NR2E1: variants seen among roughly 807,000 people sequenced by gnomAD.
The protein encoded by NR2E1 is nuclear receptor TLX.
NR2E1 carries 5 observed loss-of-function variants against 43.6 expected under a neutral mutation model. That is an observed-to-expected ratio of 0.11 (90% confidence interval 0.06 to 0.24). The LOEUF (loss-of-function observed/expected upper bound fraction) is 0.24, where lower values mean the gene tolerates loss of function less well. Ranked by LOEUF, NR2E1 falls within the 10% of genes least tolerant of loss-of-function variation. The pLI is 1.00. For synonymous variants in NR2E1, 191 were observed against 195.5 expected, an observed-to-expected ratio of 0.98 and a Z score of 0.19; for missense variants, 287 against 496.7, an observed-to-expected ratio of 0.58 and a Z score of 4.01.
At chr6:108,170,189 T>A (rs906972940) in intron 1 of NR2E1, among the ~76,000 whole-genome samples, 1 of 152,110 alleles carries the variant, frequency 6.6e-6, no homozygotes, top group African/African-American at 2.4e-5. Context: ...ACCCAAGCGC[T>A]TTCGGCAGCA....
chr6:108,166,367 A>C lies in NR2E1; in HGVS notation c.-399A>C. On this transcript the variant is annotated 5_prime_UTR_variant, in exon 1 of 9. It removes an upstream start codon present in the reference 5' UTR. Transcript: ENST00000368986. The surrounding 1 kb of genome is among the most constrained non-coding windows in gnomAD (Gnocchi z 7.2). Reference sequence around the variant, plus strand: ...AGAGATCGAAGACTGAGTGACAGGAATGGGGAAAAAGAGGGATTTCGCTCC... The same window carrying C: ...AGAGATCGAAGACTGAGTGACAGGACTGGGGAAAAAGAGGGATTTCGCTCC... The C allele has an allele frequency of 4.9e-6, 1 of 202,822 alleles. No individual in the cohort carries two copies. The highest frequency in any genetic ancestry group is 9.7e-6 in the Non-Finnish European group (1 of 103,450). The allele number at this position is 202,822 out of a possible 1,614,324, so 12.6% of individuals were successfully genotyped here. A position where few individuals can be genotyped will look rare whatever the true frequency, so the allele number is the denominator to read the frequency against.
chr6:108,172,887 A>G (rs1773835757), intron 2 of NR2E1, among the ~76,000 whole-genome samples: 1 of 152,244 alleles, frequency 6.6e-6, no homozygotes, highest in East Asian at 1.9e-4. Flanking sequence ...CCATATGGAC[A>G]CATCACATTT....
chr6:108,170,034 C>A (rs1209044821), intron 1 of NR2E1, among the ~76,000 whole-genome samples: 1 of 151,104 alleles, frequency 6.6e-6, no homozygotes, highest in South Asian at 2.1e-4. Flanking sequence ...GGTGCAAGCT[C>A]GCCCGGACGC....
chr6:108,187,362 A>G lies in NR2E1; in HGVS notation c.1057A>G (p.Ile353Val), dbSNP rs756511019. ...LLLLLPALRS[I>V]SPSTIEEVFF... is the part of the protein sequence containing the mutation. ...GTTGCTTTTGCCAGCTTTACGTTCT[A>G]TTAGCCCATCAACTATAGAAGAAGT... Residue 353 changes from isoleucine (I) to valine (V), a missense_variant, in exon 9 of 9, where the codon ATT becomes GTT. Physicochemically the swap from Ile to Val is conservative, Grantham distance 29. Around this residue, in one of 4 missense-constraint regions of NR2E1, gnomAD observed 119 missense variants for 187.0 expected, o/e 0.64. Transcript: ENST00000368986. The G allele has an allele frequency of 3.1e-6, 5 of 1,614,184 alleles. No homozygotes were observed. Among genetic ancestry groups the G allele is most frequent in the Non-Finnish European group, 4.2e-6 (5 of 1,180,026 alleles).
At chr6:108,168,028 T>G (rs913461602) in intron 1 of NR2E1, 1 of 1,592,868 alleles carries the variant, frequency 6.3e-7, no homozygotes. Flanking sequence ...AAAGGAGAAA[T>G]GTTTCGAGCT....
At chr6:108,181,887 A>C (rs917762645) in intron 8 of NR2E1, among the ~76,000 whole-genome samples, 4 of 152,196 alleles carry the variant, frequency 2.6e-5, no homozygotes, top group Non-Finnish European at 5.9e-5. Context: ...TGGCGGAACA[A>C]ATTGATCCAT....
intron 3 of NR2E1, 27 bp downstream of exon 3, chr6:108,174,950 T>C: frequency 6.3e-7 from 1 of 1,597,564 alleles, no homozygotes; most frequent in Non-Finnish European, 8.6e-7. Context: ...TTTATTCCAA[T>C]GTTGATTGAG....
At chr6:108,185,398 GCACACACACATACACACA>G (rs1461080990) in intron 8 of NR2E1, among the ~76,000 whole-genome samples, 3 of 110,028 alleles carry the variant, frequency 2.7e-5, no homozygotes, top group African/African-American at 1.5e-4. Flanking sequence ...ACACACACAC[GCACACACACATACACACA>G]CACACACACA....
At position 108,166,072 on chromosome 6, in the gene NR2E1, G is replaced by C. The variant is rs1187761978; in HGVS notation, c.-694G>C. 1 of 152,724 alleles carries C rather than the reference G, an allele frequency of 6.5e-6. No individual in the cohort carries two copies. The highest frequency in any genetic ancestry group is 6.5e-5 in the Admixed American group (1 of 15,284). The allele number at this position is 152,724 out of a possible 1,614,324, so 9.5% of individuals were successfully genotyped here. A position where few individuals can be genotyped will look rare whatever the true frequency, so the allele number is the denominator to read the frequency against. ...AGAGCGCTTCTGGAGATATTACAGG[G>C]GACCCAGCCCGCAGCGACAGGCACA... On this transcript the variant is annotated 5_prime_UTR_variant, in exon 1 of 9. Coordinates refer to ENST00000368986, the MANE Select transcript of NR2E1 (RefSeq NM_003269.5). This position sits in a 1 kb window ranked among gnomAD's most constrained non-coding sequence, Gnocchi z 7.2.
intron 8 of NR2E1, among the ~76,000 whole-genome samples, chr6:108,185,137 G>A (rs1774052982): frequency 6.6e-6 from 1 of 152,098 alleles, no homozygotes; most frequent in Non-Finnish European, 1.5e-5. Flanking sequence ...AACTGAAACT[G>A]AGCCTAATTG....
chr6:108,179,932 T>A (rs1773958624), intron 5 of NR2E1, among the ~76,000 whole-genome samples: 1 of 152,112 alleles, frequency 6.6e-6, no homozygotes, highest in Admixed American at 6.6e-5. Flanking sequence ...TCTGCAAGCG[T>A]CTGAGGAATC....
intron 8 of NR2E1, among the ~76,000 whole-genome samples, chr6:108,183,020 C>T (rs145884170): frequency 6.6e-6 from 1 of 152,296 alleles, no homozygotes; most frequent in African/African-American, 2.4e-5. Context: ...CATCTTTTCA[C>T]CTATCATAAC....
intron 3 of NR2E1, among the ~76,000 whole-genome samples, chr6:108,175,364 G>A (rs1773879141): frequency 6.6e-6 from 1 of 152,262 alleles, no homozygotes; most frequent in South Asian, 2.1e-4. Context: ...GAAAAAGGGA[G>A]GGCAGAGACG....
rs768471900 is a variant in NR2E1, at chr6:108,176,499, G to A, written c.260-4G>A. ...GGCATGCGTTTCTCTGTTTGCCTCT[G>A]CAGCCGTGCAGCACGAGCGGGGGCC... is the stretch of plus-strand genomic sequence containing the variant. On this transcript the variant is annotated splice_polypyrimidine_tract_variant and splice_region_variant and intron_variant, in intron 3 of 8. Coordinates refer to ENST00000368986, the MANE Select transcript of NR2E1 (RefSeq NM_003269.5). 6.2e-7 allele frequency: 1 copy of A among 1,612,674 alleles called. No individual in the cohort carries two copies. Among genetic ancestry groups the A allele is most frequent in the Admixed American group, 1.7e-5 (1 of 60,004 alleles).
At chr6:108,187,203 G>T in intron 8 of NR2E1, 98 bp from the exon 9 acceptor site, 1 of 1,373,242 alleles carries the variant, frequency 7.3e-7, no homozygotes, top group South Asian at 1.2e-5. Context: ...AAGAGACCTA[G>T]ATCAGCAATG....
intron 4 of NR2E1, 90 bp from the exon 5 acceptor site, chr6:108,178,005 C>T: frequency 2.1e-6 from 3 of 1,412,310 alleles, no homozygotes; most frequent in Non-Finnish European, 3.0e-6. Flanking sequence ...TTATCCCCTT[C>T]CTTGCTTTAA....
At chr6:108,177,939 AT>A (rs567012248) in intron 4 of NR2E1, among the ~76,000 whole-genome samples, 155 bp from the exon 5 acceptor site, 1 of 152,162 alleles carries the variant, frequency 6.6e-6, no homozygotes, top group Non-Finnish European at 1.5e-5. Flanking sequence ...GCGATGTTTG[AT>A]TTTTTTACCC....
chr6:108,185,473 C>A (rs914505495), intron 8 of NR2E1, among the ~76,000 whole-genome samples: 5 of 151,944 alleles, frequency 3.3e-5, no homozygotes, highest in Non-Finnish European at 1.5e-5. Flanking sequence ...TGCAGTGGTG[C>A]AATCATGGCT....
intron 2 of NR2E1, among the ~76,000 whole-genome samples, chr6:108,174,072 A>G (rs1193643664): frequency 6.6e-6 from 1 of 152,142 alleles, no homozygotes; most frequent in Non-Finnish European, 1.5e-5. Context: ...GAGCATTTCT[A>G]TATTTTGCTC....
Sources: gnomAD v4.1 joint callset for allele counts (sites outside exome capture counted in the v4.1 genomes callset) on GRCh38, gnomAD v4.1.1 for gene constraint, gnomAD v4.1.1 regional missense constraint, Gnocchi (gnomAD v3.1) non-coding constraint, MANE v1.5 for transcripts, NCBI Gene and HGNC (gene_info 2026-07-23, HGNC 2026-07-21) for gene names.